Variants in VWA8 observed in about 807,000 individuals in gnomAD.
VWA8 encodes the protein von Willebrand factor A domain-containing protein 8.
VWA8 carries 221 observed loss-of-function variants against 241.5 expected under a neutral mutation model. The ratio of observed to expected loss-of-function variants is 0.91; its 90% CI spans 0.82 to 1.02. The LOEUF (loss-of-function observed/expected upper bound fraction) is 1.02, where lower values mean the gene tolerates loss of function less well. Among genes scored for constraint, VWA8 ranks in the 50% least tolerant of loss-of-function variants. The pLI is 0.00. For synonymous variants in VWA8, 852 were observed against 827.1 expected (o/e 1.03, Z -0.52); for missense variants, 2,322 against 2,328.7 (o/e 1.00, Z 0.06).
intron 35 of VWA8, among the ~76,000 whole-genome samples, chr13:41,678,065 C>T (rs1272595982): frequency 6.6e-6 from 1 of 152,154 alleles, no homozygotes; most frequent in African/African-American, 2.4e-5. Context: ...TGGTCTCTGA[C>T]TTTGAGGCAT....
chr13:41,596,788 TAC>T (rs142774673), intron 40 of VWA8, among the ~76,000 whole-genome samples: 46,587 of 136,502 alleles, frequency 0.34, 7,911 homozygotes, highest in Non-Finnish European at 0.41. Flanking sequence ...AACCAGAAAG[TAC>T]ACACACACAC....
Position 41,811,355 on chromosome 13 carries a change from A to T in VWA8, c.1948-15T>A, listed in dbSNP as rs1404809377. ...AATGATTGTGCCTATCAAAAGACAA[A>T]TACATTGTGTTAAGAGTCTTGTTTC... On this transcript the variant is annotated splice_polypyrimidine_tract_variant and intron_variant, in intron 16 of 44. Transcript: ENST00000379310. 1.3e-6 allele frequency: 2 copies of T among 1,597,752 alleles called. No individual in the cohort carries two copies. The highest frequency in any genetic ancestry group is 2.7e-5 in the African/African-American group (2 of 74,746).
chr13:41,881,691 C>A (rs76358085), intron 9 of VWA8, among the ~76,000 whole-genome samples: 1 of 7,150 alleles, frequency 1.4e-4, no homozygotes, highest in Admixed American at 1.5e-3. Flanking sequence ...CAGAGGCGCC[C>A]CTCACCTCCC....
intron 2 of VWA8, among the ~76,000 whole-genome samples, chr13:41,934,564 T>C (rs1414086061): frequency 2.6e-5 from 4 of 152,016 alleles, no homozygotes; most frequent in Admixed American, 1.3e-4. Context: ...CATGTGGATA[T>C]AGAAACAAAT....
Position 41,685,258 on chromosome 13 carries a change from A to C in VWA8, c.4132-16T>G. Reference sequence around the variant, plus strand: ...CACTGGGTGACTGAAAAAAAGAAAGAGATTAAAGTACTGAAGTACCATATA... The same window carrying C: ...CACTGGGTGACTGAAAAAAAGAAAGCGATTAAAGTACTGAAGTACCATATA... On this transcript the variant is annotated splice_polypyrimidine_tract_variant and intron_variant, in intron 34 of 44. Transcript: ENST00000379310. 1.2e-6 allele frequency: 2 copies of C among 1,607,304 alleles called. No individual in the cohort carries two copies. The highest frequency in any genetic ancestry group is 2.2e-5 in the East Asian group (1 of 44,724).
chr13:41,864,804 T>C (rs1254599722), intron 12 of VWA8, among the ~76,000 whole-genome samples: 1 of 152,042 alleles, frequency 6.6e-6, no homozygotes, highest in Non-Finnish European at 1.5e-5. Flanking sequence ...GAATTGTACA[T>C]GGCGAAACCC....
At chr13:41,825,435 C>T (rs137920197) in intron 14 of VWA8, among the ~76,000 whole-genome samples, 11 of 151,592 alleles carry the variant, frequency 7.3e-5, no homozygotes, top group African/African-American at 1.9e-4. Context: ...AGCCAACTCT[C>T]AGGAGGCATT....
At chr13:41,711,727 A>G (rs978633498) in intron 26 of VWA8, among the ~76,000 whole-genome samples, 3 of 152,028 alleles carry the variant, frequency 2.0e-5, no homozygotes, top group Admixed American at 2.0e-4. Flanking sequence ...ACAAAAAATT[A>G]GCGGGGCGTG....
intron 9 of VWA8, among the ~76,000 whole-genome samples, chr13:41,877,287 C>T (rs1873943552): frequency 6.6e-6 from 1 of 151,932 alleles, no homozygotes; most frequent in Admixed American, 6.6e-5. Flanking sequence ...CAGTTAGTAA[C>T]ATGTATCATC....
At chr13:41,651,562 T>C (rs1369240598) in intron 37 of VWA8, among the ~76,000 whole-genome samples, 1 of 152,230 alleles carries the variant, frequency 6.6e-6, no homozygotes, top group African/African-American at 2.4e-5. Context: ...GCCTTTGTAG[T>C]GCAAAAGCAG....
chr13:41,634,206 T>C (rs2044742858), intron 37 of VWA8, among the ~76,000 whole-genome samples: 2 of 151,988 alleles, frequency 1.3e-5, no homozygotes, highest in Admixed American at 1.3e-4. Context: ...TGAGCTAGGG[T>C]GAGTAGGGTG....
intron 20 of VWA8, among the ~76,000 whole-genome samples, chr13:41,768,220 T>C (rs1437409720): frequency 4.6e-5 from 7 of 152,250 alleles, no homozygotes; most frequent in Non-Finnish European, 8.8e-5. Context: ...AGACAATTTC[T>C]GGACAAACTG....
At chr13:41,797,770 C>G (rs1869770606) in intron 17 of VWA8, among the ~76,000 whole-genome samples, 1 of 151,956 alleles carries the variant, frequency 6.6e-6, no homozygotes, top group African/African-American at 2.4e-5. Flanking sequence ...TCTTTTTACA[C>G]CTTCACCTCT....
At chr13:41,623,803 G>A (rs1439040631) in intron 37 of VWA8, among the ~76,000 whole-genome samples, 1 of 152,162 alleles carries the variant, frequency 6.6e-6, no homozygotes, top group African/African-American at 2.4e-5. Flanking sequence ...AGCACAAGAT[G>A]ATACAGGCTA....
chr13:41,717,461 T>G (rs2045355017), intron 26 of VWA8, among the ~76,000 whole-genome samples: 2 of 152,028 alleles, frequency 1.3e-5, no homozygotes, highest in African/African-American at 4.8e-5. Flanking sequence ...GATTCTGTCT[T>G]GTCATCTGTT....
chr13:41,944,987 TG>T (rs1371745329), intron 2 of VWA8, among the ~76,000 whole-genome samples: 1 of 152,196 alleles, frequency 6.6e-6, no homozygotes, highest in Non-Finnish European at 1.5e-5. Flanking sequence ...CCTAAGAATC[TG>T]GAAGGCCATG....
At chr13:41,627,464 G>A (rs751023283) in intron 37 of VWA8, among the ~76,000 whole-genome samples, 18 of 152,170 alleles carry the variant, frequency 1.2e-4, no homozygotes, top group Non-Finnish European at 2.4e-4. Flanking sequence ...CGCTAGGGCC[G>A]CTCAGGGAGA....
intron 35 of VWA8, among the ~76,000 whole-genome samples, chr13:41,680,537 C>T (rs972033331): frequency 3.3e-5 from 5 of 152,078 alleles, no homozygotes; most frequent in Non-Finnish European, 7.4e-5. Flanking sequence ...AATAAAACTC[C>T]TAGAACCTAA....
At chr13:41,881,361 T>C (rs547287580) in intron 9 of VWA8, among the ~76,000 whole-genome samples, 22 of 38,342 alleles carry the variant, frequency 5.7e-4, no homozygotes, top group African/African-American at 2.6e-3. Context: ...AACATCATAG[T>C]TTTTTTTTGC....
Sources: gnomAD v4.1 joint callset for allele counts (sites outside exome capture counted in the v4.1 genomes callset) on GRCh38, gnomAD v4.1.1 for gene constraint, MANE v1.5 for transcripts, NCBI Gene and HGNC (gene_info 2026-07-23, HGNC 2026-07-21) for gene names.